Variants in ATP8B4 observed in about 807,000 individuals in gnomAD.
ATP8B4 encodes ATPase phospholipid transporting 8B4 (putative).
In ATP8B4, 133 loss-of-function variants were observed where a neutral mutation model predicts 145.6. The observed-to-expected ratio is 0.91, with a 90% CI of 0.79 to 1.05. The LOEUF is 1.05. Among genes scored for constraint, ATP8B4 ranks in the 50% least tolerant of loss-of-function variants. ATP8B4 has a pLI of 0.00. For synonymous variants in ATP8B4, 507 were observed against 492.9 expected, an observed-to-expected ratio of 1.03 and a Z score of -0.38; for missense variants, 1,458 against 1,425.2, an observed-to-expected ratio of 1.02 and a Z score of -0.37.
chr15:50,022,243 A>C (rs2049638574), intron 6 of ATP8B4, among the ~76,000 whole-genome samples: 1 of 152,086 alleles, frequency 6.6e-6, no homozygotes, highest in Non-Finnish European at 1.5e-5. Flanking sequence ...TTAGTTGATA[A>C]ATTTTAGATA....
At chr15:50,113,581 G>T (rs555815395) in intron 1 of ATP8B4, among the ~76,000 whole-genome samples, 1 of 152,248 alleles carries the variant, frequency 6.6e-6, no homozygotes, top group East Asian at 1.9e-4. Context: ...GCTCACACCT[G>T]TAATCCCAGC....
chr15:50,165,263 G>A (rs907138163), intron 1 of ATP8B4, among the ~76,000 whole-genome samples: 6 of 152,066 alleles, frequency 3.9e-5, no homozygotes, highest in Non-Finnish European at 8.8e-5. Context: ...CTGTTGGCTA[G>A]GCTGGTCTCG....
intron 25 of ATP8B4, among the ~76,000 whole-genome samples, chr15:49,872,072 G>A (rs1481421910): frequency 2.6e-5 from 4 of 152,200 alleles, no homozygotes; most frequent in Non-Finnish European, 5.9e-5. Flanking sequence ...TTGCAATGAT[G>A]AGGATTACAT....
At chr15:49,884,613 GAAAAAAAAAAAA>G (rs60012082) in intron 23 of ATP8B4, among the ~76,000 whole-genome samples, 1 of 117,660 alleles carries the variant, frequency 8.5e-6, no homozygotes, top group East Asian at 2.5e-4. Flanking sequence ...CAAAAAAAAA[GAAAAAAAAAAAA>G]AAAAAAGAAA....
intron 22 of ATP8B4, 137 bp downstream of exon 22, chr15:49,897,931 G>T: frequency 2.1e-6 from 2 of 952,556 alleles, no homozygotes; most frequent in Non-Finnish European, 3.1e-6. Context: ...TGGTAGCATT[G>T]GACCCAGAAG....
intron 26 of ATP8B4, among the ~76,000 whole-genome samples, chr15:49,865,707 G>A (rs1356987524): frequency 1.3e-5 from 2 of 152,186 alleles, no homozygotes; most frequent in African/African-American, 4.8e-5. Context: ...AGTCTTCTGT[G>A]TTGCTTGCTG....
chr15:50,124,386 G>T (rs906568939), intron 1 of ATP8B4, among the ~76,000 whole-genome samples: 4 of 151,992 alleles, frequency 2.6e-5, no homozygotes, highest in Admixed American at 6.6e-5. Context: ...CATCCTCCAT[G>T]AAAAGACTCA....
At chr15:49,916,674 A>G (rs2039772915) in intron 20 of ATP8B4, among the ~76,000 whole-genome samples, 1 of 152,196 alleles carries the variant, frequency 6.6e-6, no homozygotes, top group African/African-American at 2.4e-5. Flanking sequence ...GGACAACTCA[A>G]CATAGCTGAT....
At position 49,920,316 on chromosome 15, in the gene ATP8B4, G is replaced by T. The variant is rs200106056; in HGVS notation, c.1853C>A (p.Ala618Glu). ...ATCCCTCTCTTCTGTGGCAGCATTC[G>T]CATCTTCAAGCATCTTATGCCACTC... The part of the protein sequence containing the change: ...FKEWHKMLED[A>E]NAATEERDER... Residue 618 changes from alanine to glutamate, a missense_variant, in exon 18 of 28, where the codon GCG (alanine) becomes GAG (glutamate). By Grantham distance (107) the Ala-to-Glu change is moderately radical. Coordinates refer to ENST00000284509, the MANE Select transcript of ATP8B4 (RefSeq NM_024837.4). 1.1e-5 allele frequency: 17 copies of T among 1,613,884 alleles called. No homozygotes were observed. Among genetic ancestry groups the T allele is most frequent in the Admixed American group, 1.0e-4 (6 of 59,988 alleles).
intron 6 of ATP8B4, among the ~76,000 whole-genome samples, chr15:50,014,009 T>C (rs2048907810): frequency 6.6e-6 from 1 of 152,268 alleles, no homozygotes; most frequent in Non-Finnish European, 1.5e-5. Context: ...TAAGGAACAC[T>C]TTTGGAAGCA....
chr15:50,074,114 G>T lies in ATP8B4; in HGVS notation c.87+13C>A. ...CTATCCTAGTACGTATGTGTTATGTGTGTTTCACTTACCGCATACTGGAAC... is the reference window on the plus strand; with the variant it reads ...CTATCCTAGTACGTATGTGTTATGTTTGTTTCACTTACCGCATACTGGAAC... On this transcript the variant is annotated intron_variant, in intron 3 of 27. Transcript: ENST00000284509. The T allele has an allele frequency of 6.2e-7, 1 of 1,608,092 alleles. No individual in the cohort carries two copies. Among genetic ancestry groups the T allele is most frequent in the Non-Finnish European group, 8.5e-7 (1 of 1,175,000 alleles).
intron 20 of ATP8B4, among the ~76,000 whole-genome samples, chr15:49,911,281 T>C (rs1240563843): frequency 6.6e-6 from 1 of 151,982 alleles, no homozygotes; most frequent in Admixed American, 6.6e-5. Context: ...AAGAAACTCC[T>C]TAACCTGTAA....
In ATP8B4 at chr15:49,900,669, T is replaced by C. The variant is rs762234020; in HGVS notation, c.2289+423A>G. Among the ~76,000 whole-genome samples, 16 of 152,304 alleles carry C rather than the reference T, an allele frequency of 1.1e-4. 1 individual carries two copies. Among genetic ancestry groups the C allele is most frequent in the Admixed American group, 7.8e-4 (12 of 15,294 alleles). On this transcript the variant is annotated intron_variant, in intron 21 of 27. Coordinates refer to ENST00000284509, the MANE Select transcript of ATP8B4 (RefSeq NM_024837.4). Reference sequence around the variant, plus strand: ...GTATCTTAATGGCAATAATTTCGTATAGTAATTACATGAAGGTCAGGTTGT... The same window carrying C: ...GTATCTTAATGGCAATAATTTCGTACAGTAATTACATGAAGGTCAGGTTGT...
At chr15:49,953,145 T>C (rs113136328) in intron 14 of ATP8B4, among the ~76,000 whole-genome samples, 2,828 of 152,088 alleles carry the variant, frequency 0.019, 86 homozygotes, top group African/African-American at 0.066. Flanking sequence ...ATCACTCTTG[T>C]ATAGGGTGTC....
chr15:49,873,164 A>G (rs1332865672), intron 25 of ATP8B4, among the ~76,000 whole-genome samples: 1 of 152,232 alleles, frequency 6.6e-6, no homozygotes, highest in Non-Finnish European at 1.5e-5. Context: ...AGGGCTGCTG[A>G]GAAGGGTAAT....
intron 21 of ATP8B4, among the ~76,000 whole-genome samples, chr15:49,900,162 T>G (rs2037861008): frequency 6.6e-6 from 1 of 152,230 alleles, no homozygotes; most frequent in South Asian, 2.1e-4. Context: ...AACTTTCAAC[T>G]GAGTTTGGCC....
chr15:50,077,812 G>GCC (rs2054280985), intron 2 of ATP8B4, among the ~76,000 whole-genome samples: 3 of 152,092 alleles, frequency 2.0e-5, no homozygotes, highest in African/African-American at 7.2e-5. Flanking sequence ...GAAGAGCTCT[G>GCC]CCCCTCTACA....
intron 3 of ATP8B4, among the ~76,000 whole-genome samples, chr15:50,060,632 G>T (rs756610280): frequency 6.6e-6 from 1 of 151,946 alleles, no homozygotes; most frequent in African/African-American, 2.4e-5. Context: ...TACTTTCCCC[G>T]CCCCGCCCCC....
intron 2 of ATP8B4, among the ~76,000 whole-genome samples, chr15:50,085,893 G>T (rs1292165183): frequency 2.7e-5 from 2 of 74,954 alleles, no homozygotes; most frequent in Non-Finnish European, 5.4e-5. Context: ...ATTTATATAT[G>T]ATATATATCA....
Sources: gnomAD v4.1 joint callset for allele counts (sites outside exome capture counted in the v4.1 genomes callset) on GRCh38, gnomAD v4.1.1 for gene constraint, MANE v1.5 for transcripts, NCBI Gene and HGNC (gene_info 2026-07-23, HGNC 2026-07-21) for gene names.